Variants in DPP9 observed in about 807,000 individuals in gnomAD.
DPP9 encodes the protein dipeptidyl peptidase IV-related protein-2.
A neutral mutation model predicts 110.7 loss-of-function variants in DPP9; 50 were observed. That is an observed-to-expected ratio of 0.45 (90% CI 0.36 to 0.57). DPP9 has a LOEUF of 0.57. DPP9 is among the 20% of genes least tolerant of loss of function. The pLI is 0.00. For synonymous variants in DPP9, 561 were observed against 514.4 expected (o/e 1.09, Z -1.23); for missense variants, 1,022 against 1,217.9 (o/e 0.84, Z 2.39).
intron 16 of DPP9, among the ~76,000 whole-genome samples, chr19:4,686,714 C>T (rs530362082): frequency 3.3e-5 from 5 of 152,230 alleles, no homozygotes; most frequent in African/African-American, 1.2e-4. Context: ...AAAGTTTTTT[C>T]TTTAAATAAA....
chr19:4,713,336 C>T (rs981949477), intron 4 of DPP9, among the ~76,000 whole-genome samples: 13 of 152,242 alleles, frequency 8.5e-5, no homozygotes, highest in African/African-American at 3.1e-4. Context: ...ATATCCGCTG[C>T]CCACCTCACG....
chr19:4,690,990 C>T (rs749547188), intron 13 of DPP9, 33 bp from the exon 14 acceptor site: 68 of 1,571,152 alleles, frequency 4.3e-5, no homozygotes, highest in Non-Finnish European at 5.8e-5. Context: ...GGTGAAGGGG[C>T]CTGGGAGGTG....
At position 4,683,101 on chromosome 19, in the gene DPP9, C is replaced by G. The variant is rs1030729191; in HGVS notation, c.2332-263G>C. 2.1e-6 allele frequency: 3 copies of G among 1,397,832 alleles called. No individual in the cohort carries two copies. In the Admixed American group the frequency reaches 7.0e-5, roughly 33 times the overall value. 86.6% of individuals were successfully genotyped at this position (1,397,832 alleles called of 1,614,324 possible). On this transcript the variant is annotated intron_variant, in intron 19 of 21. Coordinates refer to ENST00000262960, the MANE Select transcript of DPP9 (RefSeq NM_139159.5). ...GGGCCGGGTCCCACTGCCCGTCTGC[C>G]TCCTCCTCCTCCTCATCGCCGCCGC...
rs1208853574 is a variant in DPP9, at chr19:4,694,966, A to G, written c.1354-143T>C. 1.4e-6 allele frequency: 1 copy of G among 714,758 alleles called. No individual in the cohort carries two copies. Among genetic ancestry groups the G allele is most frequent in the African/African-American group, 1.8e-5 (1 of 56,070 alleles). 44.3% of individuals were successfully genotyped at this position (714,758 alleles called of 1,614,324 possible). ...AATTTCAGAGACCAGCCTGGACAAC[A>G]TAGTAAGACCCCACCTCTAAAAATA... On this transcript the variant is annotated intron_variant, in intron 12 of 21. Coordinates refer to ENST00000262960, the MANE Select transcript of DPP9 (RefSeq NM_139159.5). This position sits in a 1 kb window ranked among gnomAD's most constrained non-coding sequence, Gnocchi z 4.0.
rs112309698 is a variant in DPP9, at chr19:4,685,895, C to T, written c.1886-124G>A. 1.7e-3 allele frequency: 1,949 copies of T among 1,180,522 alleles called. 23 individuals carry two copies. The African/African-American group carries it at 0.027, about 16-fold the overall frequency. The allele number at this position is 1,180,522 out of a possible 1,614,324, so 73.1% of individuals were successfully genotyped here. Reference sequence around the variant, plus strand: ...AGCACCCCCTCTTTTCCTGGGCTTCCCGAGAGTTGATAATTGAAAAAAACG... The same window carrying T: ...AGCACCCCCTCTTTTCCTGGGCTTCTCGAGAGTTGATAATTGAAAAAAACG... On this transcript the variant is annotated intron_variant, in intron 16 of 21. Transcript: ENST00000262960. This position sits in a 1 kb window ranked among gnomAD's most constrained non-coding sequence, Gnocchi z 5.8.
chr19:4,700,317 A>G lies in DPP9; in HGVS notation c.1013-40T>C. 6.4e-7 allele frequency: 1 copy of G among 1,559,628 alleles called. No homozygotes were observed. The highest frequency in any genetic ancestry group is 8.7e-7 in the Non-Finnish European group (1 of 1,144,296). On this transcript the variant is annotated intron_variant, in intron 9 of 21. Coordinates refer to ENST00000262960, the MANE Select transcript of DPP9 (RefSeq NM_139159.5). The surrounding 1 kb of genome is among the most constrained non-coding windows in gnomAD (Gnocchi z 4.3). ...GTGAGGTGAACACCAGGCAGGCATC[A>G]CCCGTGTGTGCCGAGAGCCGGCACG...
intron 13 of DPP9, among the ~76,000 whole-genome samples, chr19:4,692,676 T>G (rs947710085): frequency 5.9e-5 from 9 of 152,094 alleles, no homozygotes; most frequent in Admixed American, 3.3e-4. Flanking sequence ...GAGTGGCAGC[T>G]GCAGCTGGCT....
At chr19:4,709,488 A>G in intron 4 of DPP9, among the ~76,000 whole-genome samples, 1 of 152,144 alleles carries the variant, frequency 6.6e-6, no homozygotes, top group East Asian at 1.9e-4. Context: ...ACACGACTCA[A>G]TCTCTAAGAG....
Position 4,688,860 on chromosome 19 carries a change from G to T in DPP9, c.1782C>A (p.Ser594Arg). The change falls in exon 16 of 22, where the codon AGC (serine) becomes AGA (arginine). Residue 594 changes from serine to arginine, a missense_variant. Coordinates refer to ENST00000262960, the MANE Select transcript of DPP9 (RefSeq NM_139159.5). ...NFDMFVSHYS[S>R]VSTPPCVHVY... ...CGTGCACGCAGGGCGGCGTGCTCACGCTGCTGTAGTGGCTGACGAACATGT... is the reference window on the plus strand; with the variant it reads ...CGTGCACGCAGGGCGGCGTGCTCACTCTGCTGTAGTGGCTGACGAACATGT... The T allele has an allele frequency of 6.6e-7, 1 of 1,518,786 alleles. No individual in the cohort carries two copies. The allele number at this position is 1,518,786 out of a possible 1,614,324, so 94.1% of individuals were successfully genotyped here. A position where few individuals can be genotyped will look rare whatever the true frequency, so the allele number is the denominator to read the frequency against.
Position 4,704,361 on chromosome 19 carries a change from G to T in DPP9, c.427-57C>A. On this transcript the variant is annotated intron_variant, in intron 5 of 21. Transcript: ENST00000262960. This position sits in a 1 kb window ranked among gnomAD's most constrained non-coding sequence, Gnocchi z 6.0. ...CAGTGGGCAAAGAGGATCTCCCGCT[G>T]GCCAGGGCAGAGATCCTCGGGCTGG... 6.4e-7 allele frequency: 1 copy of T among 1,565,906 alleles called. No individual in the cohort carries two copies.
At position 4,693,293 on chromosome 19, in the gene DPP9, G is replaced by A. The variant is rs1203787848; in HGVS notation, c.1516+1368C>T. On this transcript the variant is annotated intron_variant, in intron 13 of 21. Transcript: ENST00000262960. The surrounding 1 kb of genome is among the most constrained non-coding windows in gnomAD (Gnocchi z 5.0). ...GACCACCCCACCTCTCTATCCAGAA[G>A]TGACCCTTGGGAGCTCTGTCCCATC... Among the ~76,000 whole-genome samples the A allele has an allele frequency of 6.6e-6, 1 of 152,098 alleles. No individual in the cohort carries two copies. Among genetic ancestry groups the A allele is most frequent in the East Asian group, 1.9e-4 (1 of 5,182 alleles).
In DPP9 at chr19:4,700,346, G is replaced by T; in HGVS notation, c.1013-69C>A. ...GTGTGTGCCGAGAGCCGGCACGGGG[G>T]GCCTGGGCTGTGGGGTGACGTCCAC... On this transcript the variant is annotated intron_variant, in intron 9 of 21. Coordinates refer to ENST00000262960, the MANE Select transcript of DPP9 (RefSeq NM_139159.5). This position sits in a 1 kb window ranked among gnomAD's most constrained non-coding sequence, Gnocchi z 4.3. 7.3e-7 allele frequency: 1 copy of T among 1,378,724 alleles called. No individual in the cohort carries two copies. Among genetic ancestry groups the T allele is most frequent in the Non-Finnish European group, 9.9e-7 (1 of 1,007,932 alleles). The allele number at this position is 1,378,724 out of a possible 1,614,324, so 85.4% of individuals were successfully genotyped here.
intron 2 of DPP9, among the ~76,000 whole-genome samples, chr19:4,721,156 A>G (rs1383658616): frequency 6.6e-6 from 1 of 152,204 alleles, no homozygotes; most frequent in African/African-American, 2.4e-5. Flanking sequence ...AACCCCTTAC[A>G]GTGGACAGAA....
At chr19:4,722,112 C>G (rs1269528467) in intron 2 of DPP9, 1 of 211,698 alleles carries the variant, frequency 4.7e-6, no homozygotes, top group African/African-American at 2.3e-5. Flanking sequence ...GCATTGTCAA[C>G]TAAACAAGAT....
At chr19:4,701,835 T>G (rs2092277902) in intron 9 of DPP9, among the ~76,000 whole-genome samples, 192 bp downstream of exon 9, 1 of 152,212 alleles carries the variant, frequency 6.6e-6, no homozygotes, top group Non-Finnish European at 1.5e-5. Context: ...CTGAGCAATA[T>G]GATCCGGTGG....
chr19:4,702,618 T>C lies in DPP9; in HGVS notation c.868A>G (p.Thr290Ala). The C allele has an allele frequency of 5.6e-6, 9 of 1,600,118 alleles. No individual in the cohort carries two copies. Among genetic ancestry groups the C allele is most frequent in the Non-Finnish European group, 7.7e-6 (9 of 1,173,660 alleles). The change falls in exon 8 of 22, where the codon ACA (threonine) becomes GCA (alanine). Residue 290 changes from threonine (T) to alanine (A), a missense_variant. Coordinates refer to ENST00000262960, the MANE Select transcript of DPP9 (RefSeq NM_139159.5). ...AGGGACCTACCTTCCCAGGAGGCTG[T>C]GGGGCACCACCAGTACCCAGTGAAG... ...DRFTGYWWCP[T>A]ASWEGSEGLK...
chr19:4,715,019 CTTTTTTTTT>C (rs59314200), intron 3 of DPP9, among the ~76,000 whole-genome samples: 4 of 68,616 alleles, frequency 5.8e-5, no homozygotes, highest in East Asian at 1.1e-3. Context: ...TATATATATA[CTTTTTTTTT>C]TTTTTTTTTT....
chr19:4,723,503 G>A (rs968295590), intron 1 of DPP9, among the ~76,000 whole-genome samples, 171 bp downstream of exon 1: 12 of 152,212 alleles, frequency 7.9e-5, no homozygotes, highest in African/African-American at 2.4e-4. Context: ...GCCTGGGGCG[G>A]AGAGGAAACG....
In DPP9 at chr19:4,676,446, C is replaced by T. The variant is rs2088837947; in HGVS notation, c.*118G>A. ...GCAGCGGCTCCTCGGGGCTGGCCAG[C>T]GCTGGGCGGGACAAAGTGCCTCACT... On this transcript the variant is annotated 3_prime_UTR_variant, in exon 22 of 22. Transcript: ENST00000262960. This position sits in a 1 kb window ranked among gnomAD's most constrained non-coding sequence, Gnocchi z 4.0. 7 of 873,432 alleles carry T rather than the reference C, an allele frequency of 8.0e-6. No individual in the cohort carries two copies. The highest frequency in any genetic ancestry group is 2.1e-5 in the Admixed American group (1 of 48,552). 54.1% of individuals were successfully genotyped at this position (873,432 alleles called of 1,614,324 possible). A position where few individuals can be genotyped will look rare whatever the true frequency, so the allele number is the denominator to read the frequency against.
Sources: gnomAD v4.1 joint callset for allele counts (sites outside exome capture counted in the v4.1 genomes callset) on GRCh38, gnomAD v4.1.1 for gene constraint, Gnocchi (gnomAD v3.1) non-coding constraint, MANE v1.5 for transcripts, NCBI Gene and HGNC (gene_info 2026-07-23, HGNC 2026-07-21) for gene names.